TTF1: variants seen among roughly 807,000 people sequenced by gnomAD.
TTF1 encodes transcription termination factor, RNA polymerase I.
A neutral mutation model predicts 80.2 loss-of-function variants in TTF1; 64 were observed. The ratio of observed to expected loss-of-function variants is 0.80; its 90% CI spans 0.65 to 0.98. The LOEUF is 0.98. Ranked by LOEUF, TTF1 falls within the 50% of genes least tolerant of loss-of-function variation. The pLI is 0.00. For missense variants in TTF1, 1,023 were observed against 1,086.2 expected (o/e 0.94, Z 0.82); for synonymous variants, 372 against 382.7 (o/e 0.97, Z 0.33).
intron 2 of TTF1, among the ~76,000 whole-genome samples, chr9:132,401,005 T>G (rs1307639373): frequency 6.6e-6 from 1 of 152,192 alleles, no homozygotes; most frequent in African/African-American, 2.4e-5. Context: ...ACAATGAGGG[T>G]CTACCTCTTG....
chr9:132,400,880 T>C (rs755264976), intron 2 of TTF1, among the ~76,000 whole-genome samples: 1 of 152,238 alleles, frequency 6.6e-6, no homozygotes, highest in Non-Finnish European at 1.5e-5. Flanking sequence ...AATTTACTCA[T>C]AGATTTTCTA....
At chr9:132,393,259 T>G (rs1234133384) in intron 5 of TTF1, among the ~76,000 whole-genome samples, 1 of 126,604 alleles carries the variant, frequency 7.9e-6, no homozygotes, top group Non-Finnish European at 1.8e-5. Flanking sequence ...AAAATACATG[T>G]TGGGAGCAAG....
In TTF1 at chr9:132,402,724, G is replaced by C. The variant is rs1483950156; in HGVS notation, c.98C>G (p.Ser33Cys). 1.9e-6 allele frequency: 3 copies of C among 1,613,900 alleles called. No homozygotes were observed. Among genetic ancestry groups the C allele is most frequent in the Non-Finnish European group, 2.5e-6 (3 of 1,180,010 alleles). ...GGAGGAGTCTCTGAAAATTTCGTGG[G>C]AATGTTTCTGAGGTCTTTCCTTATG... ...SIHKERPQKH[S>C]HEIFRDSSLV... is the part of the protein sequence containing the mutation. Residue 33 changes from serine to cysteine, a missense_variant, in exon 2 of 11, where the codon TCC (serine) becomes TGC (cysteine). Physicochemically the swap from Ser to Cys is moderately radical, Grantham distance 112. Transcript: ENST00000334270.
At chr9:132,406,768 A>T (rs916173178) in intron 1 of TTF1, 22 bp downstream of exon 1, 25 of 152,094 alleles carry the variant, frequency 1.6e-4, no homozygotes, top group African/African-American at 5.8e-4. Flanking sequence ...AAACAGAAAC[A>T]ACAAAGGCGC....
chr9:132,392,812 C>T (rs983761724), intron 5 of TTF1, among the ~76,000 whole-genome samples: 5 of 152,210 alleles, frequency 3.3e-5, no homozygotes, highest in African/African-American at 9.6e-5. Flanking sequence ...ATATTTCTTA[C>T]ATGGACATGT....
In TTF1 at chr9:132,402,375, A is replaced by G. The variant is rs984710989; in HGVS notation, c.447T>C (p.Ala149=). The change falls in exon 2 of 11, where the codon GCT becomes GCC. Residue 149 remains alanine (A), a synonymous_variant. Transcript: ENST00000334270. The part of the protein sequence containing the change: ...KPKTDKFQVL[A]KSHAHKSEAL... ...CTTCTGATTTATGTGCATGTGACTT[A>G]GCAAGTACCTGAAATTTGTCTGTTT... is the stretch of plus-strand genomic sequence containing the variant. 1.2e-6 allele frequency: 2 copies of G among 1,614,064 alleles called. No individual in the cohort carries two copies. Among genetic ancestry groups the G allele is most frequent in the Non-Finnish European group, 1.7e-6 (2 of 1,180,048 alleles).
At chr9:132,385,822 T>C (rs1204043532) in intron 9 of TTF1, among the ~76,000 whole-genome samples, 1 of 152,064 alleles carries the variant, frequency 6.6e-6, no homozygotes, top group Non-Finnish European at 1.5e-5. Context: ...ATTATTAGTT[T>C]GATATCGTTA....
At chr9:132,385,266 T>G (rs893699572) in intron 9 of TTF1, among the ~76,000 whole-genome samples, 6 of 152,124 alleles carry the variant, frequency 3.9e-5, no homozygotes, top group African/African-American at 1.4e-4. Context: ...CCAATCCCAT[T>G]CACGTGGCAC....
intron 1 of TTF1, among the ~76,000 whole-genome samples, chr9:132,406,201 C>G (rs1362209232): frequency 6.6e-6 from 1 of 152,184 alleles, no homozygotes; most frequent in South Asian, 2.1e-4. Flanking sequence ...ATTCTCTCAC[C>G]GCCTTTGGGG....
intron 10 of TTF1, among the ~76,000 whole-genome samples, chr9:132,377,011 CTGA>C (rs1021968180): frequency 2.0e-5 from 3 of 152,198 alleles, no homozygotes; most frequent in African/African-American, 7.2e-5. Context: ...TCACATGGCT[CTGA>C]TGATCTGAGT....
At position 132,375,867 on chromosome 9, in the gene TTF1, G is replaced by A. The variant is rs1849163274; in HGVS notation, c.*48C>T. On this transcript the variant is annotated 3_prime_UTR_variant, in exon 11 of 11. Coordinates refer to ENST00000334270, the MANE Select transcript of TTF1 (RefSeq NM_007344.4). Reference sequence around the variant, plus strand: ...CCGGCTAATTTTTGCATTTTTAATAGTGACAGGTCTTCACCATGTTGGTCA... The same window carrying A: ...CCGGCTAATTTTTGCATTTTTAATAATGACAGGTCTTCACCATGTTGGTCA... 8.4e-7 allele frequency: 1 copy of A among 1,190,342 alleles called. No homozygotes were observed. The highest frequency in any genetic ancestry group is 2.2e-5 in the Admixed American group (1 of 44,706). The allele number at this position is 1,190,342 out of a possible 1,614,324, so 73.7% of individuals were successfully genotyped here.
intron 9 of TTF1, among the ~76,000 whole-genome samples, chr9:132,383,779 A>G (rs516910): frequency 0.99 from 150,196 of 152,322 alleles, 74,084 homozygotes; most frequent in East Asian, 1. Context: ...GCGCTGGCAC[A>G]CCACCCTGCA....
intron 2 of TTF1, 81 bp downstream of exon 2, chr9:132,401,374 A>T (rs1849758778): frequency 6.6e-6 from 8 of 1,220,080 alleles, no homozygotes; most frequent in Admixed American, 3.0e-5. Context: ...AATAAAAAAA[A>T]GTCTGTGCTA....
Position 132,375,874 on chromosome 9 carries a change from G to C in TTF1, c.*41C>G. 1.6e-6 allele frequency: 2 copies of C among 1,246,234 alleles called. No individual in the cohort carries two copies. The highest frequency in any genetic ancestry group is 2.6e-5 in the South Asian group (2 of 77,930). 77.2% of individuals were successfully genotyped at this position (1,246,234 alleles called of 1,614,324 possible). A position where few individuals can be genotyped will look rare whatever the true frequency, so the allele number is the denominator to read the frequency against. On this transcript the variant is annotated 3_prime_UTR_variant, in exon 11 of 11. Transcript: ENST00000334270. ...ATTTTTGCATTTTTAATAGTGACAG[G>C]TCTTCACCATGTTGGTCAGGCCGGT...
chr9:132,397,890 G>A (rs1324401389), intron 4 of TTF1, among the ~76,000 whole-genome samples: 1 of 152,018 alleles, frequency 6.6e-6, no homozygotes, highest in Non-Finnish European at 1.5e-5. Context: ...GGAGGCTGAG[G>A]CAGGAAAATC....
chr9:132,379,294 C>T (rs977437636), intron 9 of TTF1, 150 bp from the exon 10 acceptor site: 12 of 490,280 alleles, frequency 2.4e-5, no homozygotes, highest in African/African-American at 2.4e-4. Flanking sequence ...ACAAATATGA[C>T]ACAATTTTTG....
chr9:132,405,104 G>A (rs532603712), intron 1 of TTF1, among the ~76,000 whole-genome samples: 3 of 152,286 alleles, frequency 2.0e-5, no homozygotes, highest in Admixed American at 2.0e-4. Flanking sequence ...AGCCAGGATG[G>A]TCTCGATCTC....
At chr9:132,396,656 G>T in intron 4 of TTF1, 145 bp from the exon 5 acceptor site, 1 of 640,250 alleles carries the variant, frequency 1.6e-6, no homozygotes, top group East Asian at 2.8e-5. Context: ...GAAGAAAGCT[G>T]TCTTGTTTTT....
At position 132,402,493 on chromosome 9, in the gene TTF1, T is replaced by G. The variant is rs754650829; in HGVS notation, c.329A>C (p.Glu110Ala). 6.2e-7 allele frequency: 1 copy of G among 1,614,218 alleles called. No individual in the cohort carries two copies. The highest frequency in any genetic ancestry group is 1.7e-5 in the Admixed American group (1 of 60,022). The change falls in exon 2 of 11, where the codon GAA becomes GCA. Residue 110 changes from glutamate (E) to alanine (A), a missense_variant. Glu to Ala is a moderately radical substitution (Grantham distance 107). Coordinates refer to ENST00000334270, the MANE Select transcript of TTF1 (RefSeq NM_007344.4). Reference sequence around the variant, plus strand: ...ATGCTTTGGTGTGTTGTTAATATTTTCTTTATCCACAAGGACAACTGTAAC... The same window carrying G: ...ATGCTTTGGTGTGTTGTTAATATTTGCTTTATCCACAAGGACAACTGTAAC... ...AGVTVVLVDK[E>A]NINNTPKHFR...
Sources: allele counts gnomAD v4.1 joint callset (sites outside exome capture counted in the v4.1 genomes callset), GRCh38; gene constraint gnomAD v4.1.1; transcripts MANE v1.5; gene names NCBI Gene and HGNC (gene_info 2026-07-23, HGNC 2026-07-21).